Variants in RBFOX1 observed in about 807,000 individuals in gnomAD.
RBFOX1 encodes RNA binding protein fox-1 homolog 1.
In RBFOX1, 8 loss-of-function variants were observed where a neutral mutation model predicts 57.7. That is an observed-to-expected ratio of 0.14 (90% CI 0.08 to 0.25). The LOEUF (loss-of-function observed/expected upper bound fraction) is 0.25. Among genes scored for constraint, RBFOX1 ranks in the 10% least tolerant of loss-of-function variants. The probability of loss-of-function intolerance (pLI) is 1.00; values close to 1 mark genes in which losing one functional copy is unlikely to be tolerated. For missense variants in RBFOX1, 611 were observed against 548.5 expected (o/e 1.11, Z -1.14); for synonymous variants, 326 against 222.4 (o/e 1.47, Z -4.15).
intron 4 of RBFOX1, among the ~76,000 whole-genome samples, chr16:7,470,268 A>C: frequency 6.6e-6 from 1 of 152,202 alleles, no homozygotes; most frequent in Admixed American, 6.5e-5. Flanking sequence ...CTAGACTTCC[A>C]CATCCTTAGT....
chr16:6,217,174 C>CTTTTTTTTTTTTTTTTT (rs71142697), intron 1 of RBFOX1, among the ~76,000 whole-genome samples: 4 of 119,056 alleles, frequency 3.4e-5, no homozygotes, highest in Non-Finnish European at 4.9e-5. Context: ...TTAGGGGATT[C>CTTTTTTTTTTTTTTTTT]TTTTTTTTTT....
chr16:6,301,213 A>G (rs952045855), intron 1 of RBFOX1, among the ~76,000 whole-genome samples: 3 of 152,176 alleles, frequency 2.0e-5, no homozygotes, highest in Non-Finnish European at 2.9e-5. Flanking sequence ...GCACAACCAG[A>G]CTCTAAATCC....
At chr16:7,084,984 G>A (rs558332041) in intron 4 of RBFOX1, among the ~76,000 whole-genome samples, 26 of 151,056 alleles carry the variant, frequency 1.7e-4, no homozygotes, top group African/African-American at 4.4e-4. Flanking sequence ...CTGTCCATCC[G>A]TCCATCCATC....
intron 5 of RBFOX1, among the ~76,000 whole-genome samples, chr16:7,524,328 T>G (rs2078193695): frequency 6.6e-6 from 1 of 152,148 alleles, no homozygotes. Flanking sequence ...ACTTACCAGG[T>G]CATCCTTTTA....
intron 4 of RBFOX1, among the ~76,000 whole-genome samples, chr16:7,417,882 C>T (rs1360335783): frequency 6.6e-6 from 1 of 152,090 alleles, no homozygotes; most frequent in East Asian, 1.9e-4. Flanking sequence ...CTGTCATCTC[C>T]CATCTCCCTT....
chr16:6,733,665 G>C (rs1313219790), intron 3 of RBFOX1, among the ~76,000 whole-genome samples: 5 of 152,102 alleles, frequency 3.3e-5, no homozygotes, highest in Admixed American at 6.5e-5. Context: ...GGCTGAGATG[G>C]GCAGGTCGCA....
intron 5 of RBFOX1, among the ~76,000 whole-genome samples, chr16:7,577,060 G>T (rs1246745076): frequency 6.6e-6 from 1 of 152,228 alleles, no homozygotes; most frequent in African/African-American, 2.4e-5. Flanking sequence ...TTGGGTTTCA[G>T]TGTTACAGTG....
chr16:6,846,852 C>T (rs1420295575), intron 3 of RBFOX1, among the ~76,000 whole-genome samples: 1 of 151,332 alleles, frequency 6.6e-6, no homozygotes, highest in African/African-American at 2.4e-5. Flanking sequence ...ATGGCATGCT[C>T]ATAAGTTCTA....
Position 7,059,650 on chromosome 16 carries a change from C to G in RBFOX1, c.27+7552C>G, listed in dbSNP as rs1250095549. Among the ~76,000 whole-genome samples, 3 of 152,266 alleles carry G rather than the reference C, an allele frequency of 2.0e-5. No individual in the cohort carries two copies. The East Asian group carries it at 5.8e-4, about 29-fold the overall frequency. On this transcript the variant is annotated intron_variant, in intron 4 of 15. Coordinates refer to ENST00000550418, the MANE Select transcript of RBFOX1 (RefSeq NM_018723.4). ...ACCTGATTGACCTTCACTTATCAAA[C>G]GTACCAGATTAATACATACTGTCCC...
chr16:6,249,768 TTTTC>T (rs2097592736), intron 1 of RBFOX1, among the ~76,000 whole-genome samples: 1 of 58,492 alleles, frequency 1.7e-5, no homozygotes, highest in African/African-American at 5.2e-5. Context: ...TTCACATTTT[TTTTC>T]TTTTTTTTTT....
intron 3 of RBFOX1, among the ~76,000 whole-genome samples, chr16:6,680,912 A>T (rs1412111162): frequency 6.6e-6 from 1 of 152,250 alleles, no homozygotes; most frequent in East Asian, 1.9e-4. Flanking sequence ...TTATACAAAG[A>T]TTACAATATA....
At chr16:5,358,435 G>C (rs2065453345) in intron 1 of RBFOX1, among the ~76,000 whole-genome samples, 1 of 151,956 alleles carries the variant, frequency 6.6e-6, no homozygotes, top group African/African-American at 2.4e-5. Flanking sequence ...AAATGTTGTG[G>C]GTACATAGAG....
At chr16:7,434,349 G>C (rs2098705693) in intron 4 of RBFOX1, among the ~76,000 whole-genome samples, 2 of 152,098 alleles carry the variant, frequency 1.3e-5, no homozygotes, top group Non-Finnish European at 2.9e-5. Flanking sequence ...GCGGGCGCCA[G>C]TAGTCCCAGC....
chr16:7,509,685 A>G (rs184336189), intron 4 of RBFOX1, among the ~76,000 whole-genome samples: 76 of 152,150 alleles, frequency 5.0e-4, no homozygotes, highest in African/African-American at 1.7e-3. Context: ...TTACAAATTC[A>G]TGCTCTCTTG....
rs545334724 is a variant in RBFOX1 at position 6,147,162 on chromosome 16, C to T, written c.-127+127170C>T. On this transcript the variant is annotated intron_variant, in intron 1 of 15. Transcript: ENST00000550418. ...AAGGGCCTTTTCCATCCCACTCCAA[C>T]TGTTACCTAAAAGGACCTCTTCAGA... Among the ~76,000 whole-genome samples, 22 of 152,306 alleles carry T rather than the reference C, an allele frequency of 1.4e-4. No individual in the cohort carries two copies. The East Asian group carries it at 3.9e-3, about 27-fold the overall frequency.
chr16:7,161,171 G>T (rs1018152873), intron 4 of RBFOX1, among the ~76,000 whole-genome samples: 8 of 152,124 alleles, frequency 5.3e-5, no homozygotes, highest in Non-Finnish European at 1.2e-4. Flanking sequence ...CTGGGTGATT[G>T]GAAGTGGCTA....
intron 9 of RBFOX1, 49 bp from the exon 10 acceptor site, chr16:7,607,236 A>T: frequency 6.7e-7 from 1 of 1,496,492 alleles, no homozygotes; most frequent in Non-Finnish European, 9.2e-7. Flanking sequence ...CAATTATATA[A>T]GATGTTGAAT....
At chr16:5,828,899 C>T (rs1327418129) in intron 3 of RBFOX1, among the ~76,000 whole-genome samples, 2 of 152,128 alleles carry the variant, frequency 1.3e-5, no homozygotes, top group African/African-American at 2.4e-5. Context: ...CTTAAAACAA[C>T]ATCACTTACC....
chr16:6,238,652 A>G (rs1182700065), intron 1 of RBFOX1, among the ~76,000 whole-genome samples: 2 of 152,202 alleles, frequency 1.3e-5, no homozygotes, highest in Admixed American at 1.3e-4. Flanking sequence ...ACTCCACACC[A>G]AACAAATGAG....
Sources: allele counts gnomAD v4.1 joint callset (sites outside exome capture counted in the v4.1 genomes callset), GRCh38; gene constraint gnomAD v4.1.1; transcripts MANE v1.5; gene names NCBI Gene and HGNC (gene_info 2026-07-23, HGNC 2026-07-21).